The following FRYL variants were observed in gnomAD, a reference collection of about 807,000 sequenced individuals.
FRYL encodes FRY like transcription coactivator.
In FRYL, 150 loss-of-function variants were observed where a neutral mutation model predicts 351.2. The ratio of observed to expected loss-of-function variants is 0.43; its 90% CI spans 0.37 to 0.49. FRYL has a LOEUF of 0.49. FRYL is among the 20% of genes least tolerant of loss of function. The pLI is 0.00. For missense variants in FRYL, 3,036 were observed against 3,619.3 expected (o/e 0.84, Z 4.13); for synonymous variants, 1,153 against 1,257.1 (o/e 0.92, Z 1.75).
intron 31 of FRYL, among the ~76,000 whole-genome samples, chr4:48,563,739 T>C (rs1286787496): frequency 6.6e-6 from 1 of 151,004 alleles, no homozygotes; most frequent in East Asian, 1.9e-4. Context: ...ACGGGAGGAT[T>C]TGCATAGAGT....
intron 1 of FRYL, among the ~76,000 whole-genome samples, chr4:48,742,613 G>GT (rs1266795367): frequency 2.0e-5 from 3 of 152,060 alleles, no homozygotes; most frequent in Non-Finnish European, 2.9e-5. Flanking sequence ...TTCATTCTTA[G>GT]TATTAGTCAT....
intron 7 of FRYL, among the ~76,000 whole-genome samples, chr4:48,612,444 T>C (rs1429054299): frequency 6.6e-6 from 1 of 152,170 alleles, no homozygotes; most frequent in Non-Finnish European, 1.5e-5. Context: ...TTTTGCTTTC[T>C]GTGGTTTACC....
intron 22 of FRYL, 64 bp downstream of exon 22, chr4:48,580,801 T>TGC: frequency 1.0e-6 from 1 of 977,204 alleles, no homozygotes; most frequent in Non-Finnish European, 1.6e-6. Flanking sequence ...CATGTACATG[T>TGC]ATACATATGT....
In FRYL at chr4:48,535,761, G is replaced by A; in HGVS notation, c.6460C>T (p.His2154Tyr). 1.2e-6 allele frequency: 2 copies of A among 1,605,654 alleles called. No homozygotes were observed. The highest frequency in any genetic ancestry group is 1.7e-6 in the Non-Finnish European group (2 of 1,175,356). ...TTAGAACAGTCTCTGGAATACGTGT[G>A]TGTACTGTACAAACTCATCATGTGT... Reference protein sequence around the residue: ...LAHMMSLYSTHTYSRDCSNWI... With the variant: ...LAHMMSLYSTYTYSRDCSNWI... Residue 2154 changes from histidine (H) to tyrosine (Y), a missense_variant, in exon 48 of 64, where the codon CAC becomes TAC. His to Tyr is a moderately conservative substitution (Grantham distance 83). Transcript: ENST00000358350.
intron 3 of FRYL, among the ~76,000 whole-genome samples, chr4:48,649,755 T>C (rs1357456593): frequency 1.3e-5 from 2 of 152,170 alleles, no homozygotes; most frequent in Non-Finnish European, 2.9e-5. Context: ...TAAGCTCAAC[T>C]ATAATCAAAC....
intron 1 of FRYL, among the ~76,000 whole-genome samples, chr4:48,739,930 C>T (rs1009020813): frequency 5.3e-5 from 8 of 152,184 alleles, no homozygotes; most frequent in African/African-American, 1.2e-4. Flanking sequence ...AGCTAGAACA[C>T]GCAGCCATGT....
chr4:48,765,418 A>G (rs1408588908), intron 1 of FRYL, among the ~76,000 whole-genome samples: 2 of 152,236 alleles, frequency 1.3e-5, no homozygotes, highest in African/African-American at 2.4e-5. Flanking sequence ...AGTCTCCTCA[A>G]TAATGGTTTG....
intron 1 of FRYL, among the ~76,000 whole-genome samples, chr4:48,759,213 T>C (rs182196362): frequency 2.6e-5 from 4 of 152,106 alleles, no homozygotes; most frequent in African/African-American, 7.2e-5. Flanking sequence ...ACATGTACTA[T>C]AGAACTTAAA....
chr4:48,499,354 TAA>T lies in FRYL; in HGVS notation c.*66_*67del. The T allele has an allele frequency of 2.8e-6, 4 of 1,426,284 alleles. No individual in the cohort carries two copies. Among genetic ancestry groups the T allele is most frequent in the Non-Finnish European group, 3.9e-6 (4 of 1,019,626 alleles). The allele number at this position is 1,426,284 out of a possible 1,614,324, so 88.4% of individuals were successfully genotyped here. On this transcript the variant is annotated 3_prime_UTR_variant, in exon 64 of 64. Coordinates refer to ENST00000358350, the MANE Select transcript of FRYL (RefSeq NM_015030.2). ...AGTTATCAGTGAATGCAAGGGTCCATAAAAGGTGCTTGGTTAATATTCTTCAT... is the reference window on the plus strand; with the variant it reads ...AGTTATCAGTGAATGCAAGGGTCCATAAGGTGCTTGGTTAATATTCTTCAT...
chr4:48,776,876 T>C (rs1031630506), intron 1 of FRYL, among the ~76,000 whole-genome samples: 22 of 152,222 alleles, frequency 1.4e-4, no homozygotes, highest in African/African-American at 4.6e-4. Flanking sequence ...GCTAAAGCCA[T>C]GAAAACTTGT....
At chr4:48,511,745 G>C (rs1722519048) in intron 57 of FRYL, among the ~76,000 whole-genome samples, 1 of 152,190 alleles carries the variant, frequency 6.6e-6, no homozygotes, top group Non-Finnish European at 1.5e-5. Flanking sequence ...TCCAGGATGA[G>C]AGAGACTGGA....
At chr4:48,569,779 T>C (rs566255192) in intron 27 of FRYL, among the ~76,000 whole-genome samples, 3 of 152,218 alleles carry the variant, frequency 2.0e-5, no homozygotes, top group Admixed American at 6.5e-5. Context: ...GCAGTTATCA[T>C]AGTTACTACA....
intron 23 of FRYL, among the ~76,000 whole-genome samples, chr4:48,577,984 T>C (rs1421252905): frequency 6.6e-6 from 1 of 151,010 alleles, no homozygotes; most frequent in Non-Finnish European, 1.5e-5. Flanking sequence ...TATATATACA[T>C]ATATATATAT....
intron 33 of FRYL, among the ~76,000 whole-genome samples, chr4:48,560,123 A>C (rs1454370844): frequency 1.3e-5 from 2 of 152,248 alleles, no homozygotes; most frequent in Middle Eastern, 3.4e-3. Flanking sequence ...AAAGGATGTG[A>C]GGAGCAAGAA....
In FRYL at chr4:48,718,855, A is replaced by C. The variant is rs76858180; in HGVS notation, c.-383-8157T>G. On this transcript the variant is annotated intron_variant, in intron 1 of 63. Transcript: ENST00000358350. The stretch of plus-strand genomic sequence containing the variant: ...GACCATTATGCTCCCCCAACACACA[A>C]AAAAAGTATTACTTACACTCATGCT... 5.0e-4 allele frequency among the ~76,000 whole-genome samples: 76 copies of C among 151,402 alleles called. No individual in the cohort carries two copies. The East Asian group carries it at 0.011, about 22-fold the overall frequency.
At chr4:48,678,691 A>G (rs1764168005) in intron 3 of FRYL, among the ~76,000 whole-genome samples, 1 of 151,954 alleles carries the variant, frequency 6.6e-6, no homozygotes, top group Non-Finnish European at 1.5e-5. Context: ...TCAGCCCTGA[A>G]TTTTATTTTT....
At chr4:48,637,731 G>T (rs1024104561) in intron 3 of FRYL, 9 of 152,024 alleles carry the variant, frequency 5.9e-5, no homozygotes, top group African/African-American at 2.2e-4. Context: ...CTTAGATAAA[G>T]CTCAAATAAA....
At chr4:48,762,875 T>G (rs1171790838) in intron 1 of FRYL, among the ~76,000 whole-genome samples, 1 of 152,068 alleles carries the variant, frequency 6.6e-6, no homozygotes, top group Non-Finnish European at 1.5e-5. Context: ...CTTTAATTAT[T>G]TTCAACAAAA....
At chr4:48,706,295 A>T (rs1198352717) in intron 2 of FRYL, among the ~76,000 whole-genome samples, 5 of 152,198 alleles carry the variant, frequency 3.3e-5, no homozygotes, top group Non-Finnish European at 5.9e-5. Context: ...AATACAATGG[A>T]ATATTATTCA....
Sources: gnomAD v4.1 joint callset for allele counts (sites outside exome capture counted in the v4.1 genomes callset) on GRCh38, gnomAD v4.1.1 for gene constraint, MANE v1.5 for transcripts, NCBI Gene and HGNC (gene_info 2026-07-23, HGNC 2026-07-21) for gene names.